Variants in PPP2R2C observed in about 807,000 individuals in gnomAD.
PPP2R2C encodes protein phosphatase 2 regulatory subunit Bgamma.
Under a neutral mutation model 45.3 loss-of-function variants are expected in PPP2R2C, and 10 were observed. The observed-to-expected ratio is 0.22, with a 90% CI of 0.14 to 0.37. The LOEUF (loss-of-function observed/expected upper bound fraction) is 0.37, where lower values mean the gene tolerates loss of function less well. Ranked by LOEUF, PPP2R2C falls within the 10% of genes least tolerant of loss-of-function variation. The pLI is 1.00. For synonymous variants in PPP2R2C, 257 were observed against 245.4 expected, an observed-to-expected ratio of 1.05 and a Z score of -0.44; for missense variants, 308 against 619.7, an observed-to-expected ratio of 0.50 and a Z score of 5.34.
intron 5 of PPP2R2C, among the ~76,000 whole-genome samples, chr4:6,356,004 A>AAAAAAAAG (rs1713150122): frequency 6.6e-6 from 1 of 150,566 alleles, no homozygotes; most frequent in Non-Finnish European, 1.5e-5. Context: ...AAAAAAAAAA[A>AAAAAAAAG]AAAAAAAAAA....
At chr4:6,357,999 A>G (rs1713368537) in intron 5 of PPP2R2C, among the ~76,000 whole-genome samples, 1 of 152,214 alleles carries the variant, frequency 6.6e-6, no homozygotes, top group African/African-American at 2.4e-5. Flanking sequence ...TAAAATTCAT[A>G]TGGAACCAAA....
intron 1 of PPP2R2C, among the ~76,000 whole-genome samples, chr4:6,455,787 G>A (rs535316456): frequency 1.3e-5 from 2 of 152,016 alleles, no homozygotes; most frequent in Admixed American, 6.6e-5. Flanking sequence ...AACACACCAC[G>A]CCGTGCTGTG....
intron 1 of PPP2R2C, among the ~76,000 whole-genome samples, chr4:6,462,099 G>T (rs1418792460): frequency 6.6e-6 from 1 of 152,240 alleles, no homozygotes; most frequent in East Asian, 1.9e-4. Flanking sequence ...TGCAGAAAGG[G>T]GTCCTGGAGG....
intron 1 of PPP2R2C, among the ~76,000 whole-genome samples, chr4:6,410,872 TATTTA>T (rs1219251398): frequency 2.7e-5 from 4 of 149,450 alleles, no homozygotes; most frequent in African/African-American, 1.0e-4. Flanking sequence ...TTTATTTATT[TATTTA>T]TTTATTTATT....
chr4:6,548,777 G>C (rs528937934), intron 1 of PPP2R2C, among the ~76,000 whole-genome samples: 3 of 152,344 alleles, frequency 2.0e-5, no homozygotes, highest in African/African-American at 7.2e-5. Flanking sequence ...CCTTGGTTCA[G>C]TGGGAGAGGC....
chr4:6,555,138 A>G (rs1725351987), intron 1 of PPP2R2C, among the ~76,000 whole-genome samples: 1 of 152,028 alleles, frequency 6.6e-6, no homozygotes, highest in Non-Finnish European at 1.5e-5. Flanking sequence ...CTCACATGGT[A>G]GATATCTGCC....
At chr4:6,475,229 G>GGATGGA (rs76064101), upstream of PPP2R2C, among the ~76,000 whole-genome samples, 16,442 of 152,062 alleles carry the variant, frequency 0.11, 1,130 homozygotes, top group Non-Finnish European at 0.16. Context: ...ATGAAGGCGG[G>GGATGGA]GATGGAGATG....
chr4:6,350,529 T>C (rs765520148), intron 5 of PPP2R2C: 1 of 985,346 alleles, frequency 1.0e-6, no homozygotes, highest in Non-Finnish European at 1.2e-6. Flanking sequence ...ACAGGAGTTC[T>C]GTTTGCGTCA....
At chr4:6,384,861 G>A in intron 1 of PPP2R2C, 1 of 985,360 alleles carries the variant, frequency 1.0e-6, no homozygotes, top group Non-Finnish European at 1.2e-6. Flanking sequence ...TTTGCAGACA[G>A]AAGTGCTGGT....
At chr4:6,551,938 A>G (rs1577254504) in intron 1 of PPP2R2C, among the ~76,000 whole-genome samples, 1 of 152,212 alleles carries the variant, frequency 6.6e-6, no homozygotes, top group Admixed American at 6.5e-5. Context: ...ACATCATGGG[A>G]TCATTTGTTA....
intron 5 of PPP2R2C, among the ~76,000 whole-genome samples, chr4:6,353,425 GC>G (rs552957161): frequency 3.1e-5 from 1 of 32,006 alleles, no homozygotes; most frequent in African/African-American, 1.1e-4. Context: ...CACACCGACA[GC>G]CCCCCCACAC....
intron 8 of PPP2R2C, among the ~76,000 whole-genome samples, chr4:6,327,175 C>G (rs998171458): frequency 6.6e-6 from 1 of 152,092 alleles, no homozygotes; most frequent in Non-Finnish European, 1.5e-5. Context: ...GGGCTCAGAA[C>G]AGGTTGAGTC....
At chr4:6,396,006 C>G (rs1024499923) in intron 1 of PPP2R2C, among the ~76,000 whole-genome samples, 1 of 152,216 alleles carries the variant, frequency 6.6e-6, no homozygotes, top group East Asian at 1.9e-4. Flanking sequence ...CCTGGTTACA[C>G]GCCGGCCACC....
At chr4:6,458,013 A>G (rs527844894) in intron 1 of PPP2R2C, among the ~76,000 whole-genome samples, 1 of 152,286 alleles carries the variant, frequency 6.6e-6, no homozygotes, top group South Asian at 2.1e-4. Context: ...CCTGGTTTAC[A>G]TCAGTGTGTT....
intron 1 of PPP2R2C, among the ~76,000 whole-genome samples, chr4:6,392,673 T>C (rs11730405): frequency 0.2 from 30,014 of 152,154 alleles, 3,046 homozygotes; most frequent in South Asian, 0.26. Context: ...AGAGGTGGGC[T>C]GGGCCGGGGT....
intron 4 of PPP2R2C, among the ~76,000 whole-genome samples, chr4:6,373,198 G>A (rs1313594886): frequency 2.6e-5 from 4 of 152,230 alleles, no homozygotes; most frequent in African/African-American, 9.6e-5. Context: ...CCACCTGGAA[G>A]GTGAGGACCC....
intron 1 of PPP2R2C, among the ~76,000 whole-genome samples, chr4:6,390,821 C>G (rs980850315): frequency 4.6e-5 from 7 of 152,314 alleles, no homozygotes; most frequent in African/African-American, 1.2e-4. Context: ...CCAGGCACCG[C>G]CCGGCAGTGA....
At chr4:6,351,253 C>A (rs971381944) in intron 5 of PPP2R2C, 1 of 542,650 alleles carries the variant, frequency 1.8e-6, no homozygotes, top group African/African-American at 2.1e-5. Context: ...GCAGAGGTTG[C>A]AGTGAGCTGA....
intron 1 of PPP2R2C, among the ~76,000 whole-genome samples, chr4:6,555,065 C>A (rs1452964415): frequency 6.6e-6 from 1 of 152,152 alleles, no homozygotes; most frequent in African/African-American, 2.4e-5. Flanking sequence ...AAGATGCCAG[C>A]AGATTCGATT....
Sources: allele counts gnomAD v4.1 joint callset (sites outside exome capture counted in the v4.1 genomes callset), GRCh38; gene constraint gnomAD v4.1.1; transcripts MANE v1.5; gene names NCBI Gene and HGNC (gene_info 2026-07-23, HGNC 2026-07-21).